Variants in CCNY observed in about 807,000 individuals in gnomAD.
The protein encoded by CCNY is cyclin-Y.
In CCNY, 19 loss-of-function variants were observed where a neutral mutation model predicts 42.8. That is an observed-to-expected ratio of 0.44 (90% CI 0.31 to 0.65). The LOEUF (loss-of-function observed/expected upper bound fraction) is 0.65, where lower values mean the gene tolerates loss of function less well. Ranked by LOEUF, CCNY falls within the 30% of genes least tolerant of loss-of-function variation. The pLI is 0.07. For synonymous variants in CCNY, 165 were observed against 162.7 expected, an observed-to-expected ratio of 1.01 and a Z score of -0.11; for missense variants, 370 against 437.3, an observed-to-expected ratio of 0.85 and a Z score of 1.37.
chr10:35,510,194 C>T (rs896855804), intron 3 of CCNY, among the ~76,000 whole-genome samples: 7 of 152,144 alleles, frequency 4.6e-5, no homozygotes, highest in Non-Finnish European at 1.0e-4. Flanking sequence ...TTCTTTTCCT[C>T]TAATAATAAT....
chr10:35,481,001 G>T (rs976796826), intron 1 of CCNY, among the ~76,000 whole-genome samples: 1 of 152,122 alleles, frequency 6.6e-6, no homozygotes, highest in African/African-American at 2.4e-5. Context: ...AGTGTTTACA[G>T]TGCATAAAAC....
chr10:35,448,998 G>A (rs552037104), intron 1 of CCNY, among the ~76,000 whole-genome samples: 1 of 152,052 alleles, frequency 6.6e-6, no homozygotes, highest in East Asian at 1.9e-4. Flanking sequence ...GAGGATGAGT[G>A]CAGGCCTTGA....
At chr10:35,364,990 A>C (rs556913522) in intron 1 of CCNY, among the ~76,000 whole-genome samples, 3 of 152,338 alleles carry the variant, frequency 2.0e-5, no homozygotes, top group South Asian at 4.1e-4. Context: ...ATGTTTAACT[A>C]TCAGTAGGCT....
chr10:35,495,746 A>G (rs965179480), intron 2 of CCNY, among the ~76,000 whole-genome samples: 4 of 152,140 alleles, frequency 2.6e-5, no homozygotes, highest in African/African-American at 9.7e-5. Context: ...CTGGGCTCCA[A>G]AGTGTGGGTG....
intron 3 of CCNY, among the ~76,000 whole-genome samples, chr10:35,513,595 C>T (rs1467154633): frequency 2.0e-5 from 3 of 152,174 alleles, no homozygotes; most frequent in African/African-American, 7.2e-5. Flanking sequence ...TTCATGCACT[C>T]CTTCTGATAG....
At chr10:35,271,796 A>C (rs1835172145) in intron 3 of CCNY, among the ~76,000 whole-genome samples, 1 of 152,114 alleles carries the variant, frequency 6.6e-6, no homozygotes, top group Non-Finnish European at 1.5e-5. Flanking sequence ...TCCACAGTGC[A>C]TTATTATAAT....
At chr10:35,279,331 C>A (rs1835273973) in intron 3 of CCNY, among the ~76,000 whole-genome samples, 1 of 151,978 alleles carries the variant, frequency 6.6e-6, no homozygotes, top group Non-Finnish European at 1.5e-5. Context: ...CCAGTCTGGT[C>A]TTGAACTCCT....
At chr10:35,456,013 A>G (rs1033801561) in intron 1 of CCNY, among the ~76,000 whole-genome samples, 1 of 152,048 alleles carries the variant, frequency 6.6e-6, no homozygotes, top group Non-Finnish European at 1.5e-5. Flanking sequence ...ATGATGACTT[A>G]AAATAGTCAA....
intron 1 of CCNY, among the ~76,000 whole-genome samples, chr10:35,346,880 G>C (rs186254893): frequency 1.4e-4 from 21 of 152,342 alleles, no homozygotes; most frequent in African/African-American, 4.8e-4. Context: ...GCCCGCCTCG[G>C]CCTTCCAAAG....
chr10:35,447,323 G>T lies in CCNY; in HGVS notation c.155-36081G>T, dbSNP rs113109916. 3.4e-3 allele frequency among the ~76,000 whole-genome samples: 512 copies of T among 152,306 alleles called. 4 individuals are homozygous for T. Among genetic ancestry groups the T allele is most frequent in the African/African-American group, 0.012 (482 of 41,560 alleles). On this transcript the variant is annotated intron_variant, in intron 1 of 9. Transcript: ENST00000374704. ...TTCTAGAAAAACCATAGTTTAACAC[G>T]TGGCTTTGTAAGCAGGACTTTCAAA...
chr10:35,329,536 T>A (rs181366832), intron 3 of CCNY, among the ~76,000 whole-genome samples: 71 of 152,338 alleles, frequency 4.7e-4, no homozygotes, highest in Non-Finnish European at 8.4e-4. Context: ...ATTATAGTTT[T>A]AAAAAAATGC....
intron 3 of CCNY, among the ~76,000 whole-genome samples, chr10:35,281,461 A>G (rs1835298457): frequency 6.6e-6 from 1 of 151,774 alleles, no homozygotes; most frequent in Non-Finnish European, 1.5e-5. Context: ...CACCGTGCCC[A>G]GCTAATTTTT....
chr10:35,291,271 T>A, intron 3 of CCNY, among the ~76,000 whole-genome samples: 1 of 152,166 alleles, frequency 6.6e-6, no homozygotes, highest in East Asian at 1.9e-4. Context: ...CCCCTCATAG[T>A]GCTGGGATTA....
intron 3 of CCNY, among the ~76,000 whole-genome samples, chr10:35,268,305 G>T (rs188603878): frequency 6.6e-6 from 1 of 152,142 alleles, no homozygotes; most frequent in Admixed American, 6.5e-5. Flanking sequence ...CTTGAGGTCA[G>T]GAGTTCGAGA....
chr10:35,396,988 A>G (rs770999726), intron 1 of CCNY, among the ~76,000 whole-genome samples: 1 of 152,178 alleles, frequency 6.6e-6, no homozygotes, highest in Non-Finnish European at 1.5e-5. Context: ...TGCCTGTTAC[A>G]GTTCTGGGGG....
intron 3 of CCNY, among the ~76,000 whole-genome samples, chr10:35,328,350 C>T (rs1475918264): frequency 1.3e-5 from 2 of 152,180 alleles, no homozygotes; most frequent in Admixed American, 6.5e-5. Flanking sequence ...TACCAAAAGA[C>T]GTGAAAATGG....
At chr10:35,539,080 G>A (rs1273169971) in intron 7 of CCNY, among the ~76,000 whole-genome samples, 2 of 152,104 alleles carry the variant, frequency 1.3e-5, no homozygotes, top group African/African-American at 2.4e-5. Flanking sequence ...AAACATGAAG[G>A]TTTATATCTG....
intron 1 of CCNY, among the ~76,000 whole-genome samples, chr10:35,405,812 T>G (rs1411567123): frequency 6.6e-6 from 1 of 151,710 alleles, no homozygotes; most frequent in Non-Finnish European, 1.5e-5. Context: ...TGGGAAGGAG[T>G]CAATCAGAGC....
At chr10:35,416,317 G>A (rs973729359) in intron 1 of CCNY, among the ~76,000 whole-genome samples, 1 of 152,036 alleles carries the variant, frequency 6.6e-6, no homozygotes, top group African/African-American at 2.4e-5. Context: ...TAAAGTGGAG[G>A]GCCATTAATG....
Sources: gnomAD v4.1 joint callset for allele counts (sites outside exome capture counted in the v4.1 genomes callset) on GRCh38, gnomAD v4.1.1 for gene constraint, MANE v1.5 for transcripts, NCBI Gene and HGNC (gene_info 2026-07-23, HGNC 2026-07-21) for gene names.